The following NCAM1 variants were observed in gnomAD, a reference collection of about 807,000 sequenced individuals.
NCAM1 encodes the protein antigen recognized by monoclonal antibody 5.1H11.
A neutral mutation model predicts 109.8 loss-of-function variants in NCAM1; 14 were observed. The observed-to-expected ratio is 0.13, with a 90% CI of 0.08 to 0.20. The LOEUF (loss-of-function observed/expected upper bound fraction) is 0.20. Among genes scored for constraint, NCAM1 ranks in the 10% least tolerant of loss-of-function variants. The probability of loss-of-function intolerance (pLI) is 1.00; values close to 1 mark genes in which losing one functional copy is unlikely to be tolerated. For synonymous variants in NCAM1, 418 were observed against 442.9 expected, an observed-to-expected ratio of 0.94 and a Z score of 0.70; for missense variants, 774 against 1,109.9, an observed-to-expected ratio of 0.70 and a Z score of 4.30.
chr11:113,085,514 T>G (rs1939040263), intron 1 of NCAM1, among the ~76,000 whole-genome samples: 1 of 152,212 alleles, frequency 6.6e-6, no homozygotes, highest in African/African-American at 2.4e-5. Flanking sequence ...TTTCTCCTTA[T>G]TTTTTCTTTC....
chr11:113,193,172 G>A (rs541428613), intron 1 of NCAM1, among the ~76,000 whole-genome samples: 5 of 152,284 alleles, frequency 3.3e-5, no homozygotes, highest in South Asian at 2.1e-4. Flanking sequence ...AAGCATTCTC[G>A]TCTTCTATGA....
chr11:113,265,505 G>T (rs1946119679), intron 17 of NCAM1, among the ~76,000 whole-genome samples: 1 of 152,208 alleles, frequency 6.6e-6, no homozygotes, highest in Non-Finnish European at 1.5e-5. Context: ...CAACTCTGTG[G>T]CAAGGTCACC....
At chr11:113,248,228 CAAAA>C (rs34946502) in intron 15 of NCAM1, among the ~76,000 whole-genome samples, 2 of 130,080 alleles carry the variant, frequency 1.5e-5, no homozygotes, top group Admixed American at 7.8e-5. Flanking sequence ...TGGCCGGTAC[CAAAA>C]AAAAAAAAAA....
chr11:113,086,195 G>A (rs973908122), intron 1 of NCAM1, among the ~76,000 whole-genome samples: 5 of 152,298 alleles, frequency 3.3e-5, no homozygotes, highest in African/African-American at 1.2e-4. Context: ...GTTGAAGGAG[G>A]CACTTACTTT....
chr11:113,248,520 T>C (rs906965470), intron 15 of NCAM1, among the ~76,000 whole-genome samples: 1 of 152,078 alleles, frequency 6.6e-6, no homozygotes, highest in Admixed American at 6.6e-5. Context: ...TTAAGCTGAA[T>C]TGGGCCTCAA....
At chr11:113,105,546 G>GAT (rs1555092354) in intron 1 of NCAM1, among the ~76,000 whole-genome samples, 2 of 152,022 alleles carry the variant, frequency 1.3e-5, no homozygotes, top group Admixed American at 6.6e-5. Flanking sequence ...ACAAATCAAA[G>GAT]ATATATATAT....
At chr11:113,130,361 C>A (rs1279003730) in intron 1 of NCAM1, among the ~76,000 whole-genome samples, 1 of 152,224 alleles carries the variant, frequency 6.6e-6, no homozygotes, top group East Asian at 1.9e-4. Context: ...TGGGGCACAA[C>A]ACTGAACAAA....
At chr11:113,186,629 C>T (rs185174219) in intron 1 of NCAM1, among the ~76,000 whole-genome samples, 23 of 152,264 alleles carry the variant, frequency 1.5e-4, no homozygotes, top group African/African-American at 4.6e-4. Context: ...GAGATGGCCC[C>T]GCATCGGCAC....
chr11:113,190,541 G>C (rs1555109665), intron 1 of NCAM1, among the ~76,000 whole-genome samples: 1 of 152,162 alleles, frequency 6.6e-6, no homozygotes, highest in East Asian at 1.9e-4. Flanking sequence ...TCTGGGTTCT[G>C]AGTTCCTGAT....
chr11:113,235,831 C>T (rs539332176), intron 14 of NCAM1, among the ~76,000 whole-genome samples: 32 of 152,310 alleles, frequency 2.1e-4, no homozygotes, highest in Admixed American at 1.3e-3. Context: ...CTTTTAACTA[C>T]GCCTATCCCA....
intron 1 of NCAM1, among the ~76,000 whole-genome samples, chr11:113,197,471 A>T (rs1192899810): frequency 6.6e-6 from 1 of 152,202 alleles, no homozygotes; most frequent in Non-Finnish European, 1.5e-5. Flanking sequence ...CTTTTTCAAA[A>T]GTCCATGGTC....
intron 17 of NCAM1, among the ~76,000 whole-genome samples, chr11:113,261,134 G>A (rs1945982003): frequency 6.6e-6 from 1 of 152,140 alleles, no homozygotes; most frequent in African/African-American, 2.4e-5. Flanking sequence ...GCAGCCTGTT[G>A]GGGGGCCCCA....
rs138409793 is a variant in NCAM1, at chr11:113,134,433, G to T, written c.53-67946G>T. Reference sequence around the variant, plus strand: ...TTCACTTCTTTGCTACTGGGTCGCCGTGAACATGTGTACAACTTTCCCACT... The same window carrying T: ...TTCACTTCTTTGCTACTGGGTCGCCTTGAACATGTGTACAACTTTCCCACT... On this transcript the variant is annotated intron_variant, in intron 1 of 19. Coordinates refer to ENST00000316851, the MANE Select transcript of NCAM1 (RefSeq NM_181351.5). Among the ~76,000 whole-genome samples the T allele has an allele frequency of 5.9e-5, 9 of 152,268 alleles. 1 individual carries two copies. The highest frequency in any genetic ancestry group is 2.2e-4 in the African/African-American group (9 of 41,560).
intron 1 of NCAM1, among the ~76,000 whole-genome samples, chr11:113,022,167 C>T (rs1189135583): frequency 6.6e-6 from 1 of 152,170 alleles, no homozygotes; most frequent in Non-Finnish European, 1.5e-5. Context: ...TGACTTACTT[C>T]GCTTAAGATA....
intron 13 of NCAM1, among the ~76,000 whole-genome samples, chr11:113,234,669 T>C (rs782803231): frequency 6.6e-6 from 1 of 152,278 alleles, no homozygotes; most frequent in Non-Finnish European, 1.5e-5. Flanking sequence ...TGTATGTCTA[T>C]GCCACATTTC....
chr11:112,966,824 T>TCAGTCA (rs1950740520), intron 1 of NCAM1, among the ~76,000 whole-genome samples: 2 of 152,232 alleles, frequency 1.3e-5, no homozygotes, highest in Non-Finnish European at 2.9e-5. Flanking sequence ...CATGTCTACA[T>TCAGTCA]GCAGCCACTG....
In NCAM1 at chr11:112,983,317, A is replaced by G. The variant is rs142393969; in HGVS notation, c.52+21653A>G. Among the ~76,000 whole-genome samples, 205 of 152,068 alleles carry G rather than the reference A, an allele frequency of 1.3e-3. 2 individuals carry two copies. Among genetic ancestry groups the G allele is most frequent in the African/African-American group, 4.8e-3 (200 of 41,504 alleles). On this transcript the variant is annotated intron_variant, in intron 1 of 19. Transcript: ENST00000316851. The stretch of plus-strand genomic sequence containing the variant: ...TCTCATGGATTTCAAATCTTTAGGC[A>G]TTAATGAAATTATATTCCAGGATAC...
intron 17 of NCAM1, among the ~76,000 whole-genome samples, chr11:113,266,845 C>G (rs1362875902): frequency 6.6e-6 from 1 of 152,180 alleles, no homozygotes; most frequent in Non-Finnish European, 1.5e-5. Context: ...CATTAGGGAA[C>G]CTGTACCGTG....
At chr11:113,167,638 T>G (rs1204632029) in intron 1 of NCAM1, among the ~76,000 whole-genome samples, 6 of 151,726 alleles carry the variant, frequency 4.0e-5, no homozygotes, top group Non-Finnish European at 8.8e-5. Flanking sequence ...GGGGTTGAGT[T>G]AGTGGTGTGC....
Sources: allele counts gnomAD v4.1 joint callset (sites outside exome capture counted in the v4.1 genomes callset), GRCh38; gene constraint gnomAD v4.1.1; transcripts MANE v1.5; gene names NCBI Gene and HGNC (gene_info 2026-07-23, HGNC 2026-07-21).